The following PTPRG variants were observed in gnomAD, a reference collection of about 807,000 sequenced individuals.
The protein encoded by PTPRG is receptor-type tyrosine-protein phosphatase gamma.
Under a neutral mutation model 165.3 loss-of-function variants are expected in PTPRG, and 102 were observed. That is an observed-to-expected ratio of 0.62 (90% CI 0.53 to 0.73). The LOEUF (loss-of-function observed/expected upper bound fraction) is 0.73, where lower values mean the gene tolerates loss of function less well. Among genes scored for constraint, PTPRG ranks in the 30% least tolerant of loss-of-function variants. The pLI, the probability that PTPRG is intolerant of heterozygous loss-of-function variation, is 0.00. For missense variants in PTPRG, 1,866 were observed against 1,861.4 expected, an observed-to-expected ratio of 1.00 and a Z score of -0.05; for synonymous variants, 675 against 669.5, an observed-to-expected ratio of 1.01 and a Z score of -0.13.
At chr3:62,212,899 C>T (rs1700398659) in intron 12 of PTPRG, among the ~76,000 whole-genome samples, 1 of 152,192 alleles carries the variant, frequency 6.6e-6, no homozygotes, top group South Asian at 2.1e-4. Flanking sequence ...ACCAGGGTTG[C>T]CAGTTCATAA....
At chr3:61,745,251 G>T (rs553398346) in intron 1 of PTPRG, among the ~76,000 whole-genome samples, 1 of 152,138 alleles carries the variant, frequency 6.6e-6, no homozygotes, top group East Asian at 1.9e-4. Flanking sequence ...GTTTCACCAT[G>T]TTGGCCAGGA....
chr3:62,106,660 G>A (rs923744502), intron 5 of PTPRG, among the ~76,000 whole-genome samples: 5 of 152,006 alleles, frequency 3.3e-5, no homozygotes, highest in Non-Finnish European at 4.4e-5. Context: ...GTGCCACCAC[G>A]CCTTGCTAAC....
intron 2 of PTPRG, among the ~76,000 whole-genome samples, chr3:61,827,333 C>T (rs946491166): frequency 4.6e-5 from 7 of 152,230 alleles, no homozygotes; most frequent in African/African-American, 1.7e-4. Context: ...TTTAGTCTTT[C>T]ATGTAATCAG....
At chr3:62,100,673 T>C (rs1161841125) in intron 5 of PTPRG, among the ~76,000 whole-genome samples, 2 of 152,248 alleles carry the variant, frequency 1.3e-5, no homozygotes, top group African/African-American at 4.8e-5. Context: ...TCCCATCTCT[T>C]AATTTTTTAG....
intron 2 of PTPRG, among the ~76,000 whole-genome samples, chr3:61,940,167 G>A (rs1283322928): frequency 5.3e-5 from 8 of 151,846 alleles, no homozygotes; most frequent in African/African-American, 1.2e-4. Flanking sequence ...GGCTGGTCTC[G>A]AATTCCTGAC....
At chr3:62,150,735 T>G (rs1039166350) in intron 6 of PTPRG, among the ~76,000 whole-genome samples, 19 of 152,200 alleles carry the variant, frequency 1.2e-4, no homozygotes, top group African/African-American at 4.6e-4. Flanking sequence ...AACAGAAGCT[T>G]GGGCTTTCAT....
chr3:61,889,012 C>A (rs1001489204), intron 2 of PTPRG, among the ~76,000 whole-genome samples: 12 of 152,190 alleles, frequency 7.9e-5, no homozygotes, highest in Non-Finnish European at 7.3e-5. Context: ...TATCAGGAGG[C>A]AGTGGATGCC....
At chr3:61,815,246 A>G (rs1291745679) in intron 2 of PTPRG, among the ~76,000 whole-genome samples, 36 of 126,206 alleles carry the variant, frequency 2.9e-4, no homozygotes, top group South Asian at 6.1e-4. Context: ...AAAATACAAA[A>G]AAAAAAAAAA....
chr3:62,083,732 A>T (rs115114378), intron 5 of PTPRG, among the ~76,000 whole-genome samples: 1,979 of 152,260 alleles, frequency 0.013, 39 homozygotes, highest in African/African-American at 0.045. Flanking sequence ...TCACCCTCAG[A>T]ATTGGGTTCT....
chr3:62,253,747 A>G (rs929759890), intron 15 of PTPRG, among the ~76,000 whole-genome samples: 44 of 152,222 alleles, frequency 2.9e-4, no homozygotes, highest in African/African-American at 1.0e-3. Context: ...TTGCATATTC[A>G]TGAACATCTT....
At chr3:62,092,110 ACACACACACACACACACAC>A (rs1701955138) in intron 5 of PTPRG, among the ~76,000 whole-genome samples, 2 of 98,664 alleles carry the variant, frequency 2.0e-5, no homozygotes, top group African/African-American at 4.1e-5. Flanking sequence ...ACACACACAC[ACACACACACACACACACAC>A]AATCTGTAAA....
intron 1 of PTPRG, among the ~76,000 whole-genome samples, chr3:61,716,887 A>ACTTGAACCTGGG (rs547396432): frequency 4.9e-4 from 75 of 152,210 alleles, no homozygotes; most frequent in Non-Finnish European, 9.4e-4. Flanking sequence ...CAGGAGAATC[A>ACTTGAACCTGGG]CTTGAACCTG....
At chr3:62,188,614 T>TG (rs1559623051) in intron 8 of PTPRG, among the ~76,000 whole-genome samples, 1 of 152,158 alleles carries the variant, frequency 6.6e-6, no homozygotes, top group Admixed American at 6.5e-5. Flanking sequence ...ATCATCTTAA[T>TG]GCACACAGAA....
intron 1 of PTPRG, among the ~76,000 whole-genome samples, chr3:61,635,876 T>C (rs2106940465): frequency 6.6e-6 from 1 of 152,310 alleles, no homozygotes; most frequent in East Asian, 1.9e-4. Flanking sequence ...GATGGTTCCT[T>C]AGAGCTCTCA....
chr3:62,285,250 TTAAGTA>T (rs1702596865), intron 28 of PTPRG, among the ~76,000 whole-genome samples: 1 of 152,118 alleles, frequency 6.6e-6, no homozygotes, highest in African/African-American at 2.4e-5. Context: ...TTACAAACTA[TTAAGTA>T]TATGTACCCC....
chr3:62,272,052 A>C (rs1196047211), intron 21 of PTPRG, among the ~76,000 whole-genome samples: 1 of 152,106 alleles, frequency 6.6e-6, no homozygotes, highest in Non-Finnish European at 1.5e-5. Flanking sequence ...CTGTGTTCAC[A>C]TAACTGCACT....
intron 2 of PTPRG, among the ~76,000 whole-genome samples, chr3:61,970,060 T>A (rs2040349699): frequency 6.6e-6 from 1 of 152,230 alleles, no homozygotes. Flanking sequence ...GCACAAATAA[T>A]TGTTCATTTG....
At chr3:61,592,206 A>G (rs762610486) in intron 1 of PTPRG, among the ~76,000 whole-genome samples, 1 of 152,012 alleles carries the variant, frequency 6.6e-6, no homozygotes, top group Admixed American at 6.6e-5. Context: ...ACCTCAGGTG[A>G]TCCGCCTGCC....
chr3:61,831,869 T>C (rs2036305520), intron 2 of PTPRG, among the ~76,000 whole-genome samples: 1 of 152,166 alleles, frequency 6.6e-6, no homozygotes. Context: ...TAGATATTGA[T>C]GGGTGGTAAA....
Sources: gnomAD v4.1 joint callset for allele counts (sites outside exome capture counted in the v4.1 genomes callset) on GRCh38, gnomAD v4.1.1 for gene constraint, MANE v1.5 for transcripts, NCBI Gene and HGNC (gene_info 2026-07-23, HGNC 2026-07-21) for gene names.